INSC: variants seen among roughly 807,000 people sequenced by gnomAD.
The protein encoded by INSC is INSC spindle orientation adaptor protein, also known as protein inscuteable homolog.
Under a neutral mutation model 58.6 loss-of-function variants are expected in INSC, and 67 were observed. That is an observed-to-expected ratio of 1.14 (90% CI 0.94 to 1.40). The LOEUF (loss-of-function observed/expected upper bound fraction) is 1.40, where lower values mean the gene tolerates loss of function less well. INSC is among the 40% of genes most tolerant of loss of function. INSC has a pLI of 0.00. For synonymous variants in INSC, 262 were observed against 276.1 expected (o/e 0.95, Z 0.51); for missense variants, 714 against 692.0 (o/e 1.03, Z -0.36).
In INSC at chr11:15,188,167, G is replaced by T. The variant is rs1792576; in HGVS notation, c.580-2534G>T. 1,382 of 985,288 alleles carry T rather than the reference G, an allele frequency of 1.4e-3. 19 individuals carry two copies. The African/African-American group carries it at 0.021, about 15-fold the overall frequency. 61.0% of individuals were successfully genotyped at this position (985,288 alleles called of 1,614,324 possible). A position where few individuals can be genotyped will look rare whatever the true frequency, so the allele number is the denominator to read the frequency against. On this transcript the variant is annotated intron_variant, in intron 5 of 12. Coordinates refer to ENST00000379556, the MANE Select transcript of INSC (RefSeq NM_001042536.3). ...TTGGCAAGAATACAGGGCAGATCCA[G>T]AGGGGCATTTGCAAGGCCCCCACTC...
At chr11:15,233,655 G>A (rs939990730) in intron 9 of INSC, among the ~76,000 whole-genome samples, 9 of 152,126 alleles carry the variant, frequency 5.9e-5, no homozygotes, top group Admixed American at 1.3e-4. Context: ...TAATGAACCC[G>A]TTGCCGCAGA....
At chr11:15,189,092 G>T (rs1029879208) in intron 5 of INSC, among the ~76,000 whole-genome samples, 6 of 152,166 alleles carry the variant, frequency 3.9e-5, no homozygotes, top group African/African-American at 1.4e-4. Context: ...TTAGCATGTT[G>T]TGCGTGTGTG....
chr11:15,142,321 G>C (rs1590353425), intron 1 of INSC, among the ~76,000 whole-genome samples: 1 of 152,166 alleles, frequency 6.6e-6, no homozygotes, highest in Non-Finnish European at 1.5e-5. Flanking sequence ...CCACCACCAG[G>C]CCAGAGTGCT....
chr11:15,192,831 T>C (rs1850228414), intron 6 of INSC, among the ~76,000 whole-genome samples: 1 of 152,222 alleles, frequency 6.6e-6, no homozygotes, highest in African/African-American at 2.4e-5. Flanking sequence ...CTTTGAGACC[T>C]ACAAAGCTAG....
intron 9 of INSC, among the ~76,000 whole-genome samples, chr11:15,229,890 T>C (rs1851779538): frequency 7.3e-6 from 1 of 137,004 alleles, no homozygotes; most frequent in African/African-American, 2.8e-5. Context: ...AAATCCTATC[T>C]CTATAAAAAA....
rs59163709 is a variant in INSC at position 15,138,663 on chromosome 11, T to C, written c.-45-10467T>C. 4.5e-3 allele frequency among the ~76,000 whole-genome samples: 690 copies of C among 152,366 alleles called. 10 individuals are homozygous for C. Among genetic ancestry groups the C allele is most frequent in the African/African-American group, 0.016 (662 of 41,596 alleles). On this transcript the variant is annotated intron_variant, in intron 1 of 12. Transcript: ENST00000379556. ...AATGGATCCTTCATTGCCACAAAGA[T>C]GGATATCATAAAACTTCTTATGGAG...
Position 15,183,351 on chromosome 11 carries a change from CAAA to C in INSC, c.579+4921_579+4923del, listed in dbSNP as rs66894801. The stretch of plus-strand genomic sequence containing the variant: ...GGGCAACAAGAGCAAAACTCCATCT[CAAA>C]AAAAAAAAAAAAAAAACCAGAAAAA... On this transcript the variant is annotated intron_variant, in intron 5 of 12. Transcript: ENST00000379556. Among the ~76,000 whole-genome samples the C allele has an allele frequency of 5.5e-3, 444 of 80,748 alleles. 2 individuals carry two copies. Among genetic ancestry groups the C allele is most frequent in the African/African-American group, 0.019 (424 of 22,656 alleles). 53.0% of individuals were successfully genotyped at this position (80,748 alleles called of 152,430 possible).
intron 9 of INSC, among the ~76,000 whole-genome samples, chr11:15,230,173 G>C (rs887952186): frequency 7.5e-5 from 11 of 147,254 alleles, no homozygotes; most frequent in Non-Finnish European, 1.2e-4. Context: ...CTGGATGATA[G>C]AGCCAGACCT....
downstream of INSC, among the ~76,000 whole-genome samples, chr11:15,250,214 A>T (rs1389646875): frequency 1.3e-5 from 2 of 152,168 alleles, no homozygotes; most frequent in Non-Finnish European, 2.9e-5. Context: ...TTCCTCCATG[A>T]GTTAAAAATC....
chr11:15,151,609 ATCT>A (rs139228834), intron 2 of INSC, among the ~76,000 whole-genome samples: 7,536 of 82,726 alleles, frequency 0.091, 587 homozygotes, highest in African/African-American at 0.2. Flanking sequence ...TGGGATGCTG[ATCT>A]TCTTGTTGGT....
At chr11:15,114,265 G>A (rs1847639047), upstream of INSC, among the ~76,000 whole-genome samples, 1 of 113,864 alleles carries the variant, frequency 8.8e-6, no homozygotes, top group Non-Finnish European at 1.8e-5. Flanking sequence ...GGGGTGGGGG[G>A]TGGGGTCTGA....
chr11:15,172,786 G>A lies in INSC; in HGVS notation c.57-2955G>A, dbSNP rs540037699. Among the ~76,000 whole-genome samples the A allele has an allele frequency of 5.9e-5, 9 of 152,218 alleles. No homozygotes were observed. The East Asian group carries it at 1.5e-3, about 26-fold the overall frequency. On this transcript the variant is annotated intron_variant, in intron 2 of 12. Transcript: ENST00000379556. ...GAGGTGTAGAGTGTGTTTGTGGCAGGGGCGCTAGGAGTTGGGGAAGATGGA... is the reference window on the plus strand; with the variant it reads ...GAGGTGTAGAGTGTGTTTGTGGCAGAGGCGCTAGGAGTTGGGGAAGATGGA...
chr11:15,245,091 C>G (rs982353577), intron 12 of INSC, among the ~76,000 whole-genome samples: 1 of 152,168 alleles, frequency 6.6e-6, no homozygotes, highest in Non-Finnish European at 1.5e-5. Flanking sequence ...TCCTTACTCT[C>G]GAGGAGCTCA....
chr11:15,216,896 C>T (rs1336309575), intron 7 of INSC, among the ~76,000 whole-genome samples: 1 of 152,156 alleles, frequency 6.6e-6, no homozygotes, highest in African/African-American at 2.4e-5. Flanking sequence ...ATGATGGTGC[C>T]ACCATGTGGC....
At chr11:15,183,392 A>G (rs1447834954) in intron 5 of INSC, among the ~76,000 whole-genome samples, 1 of 149,434 alleles carries the variant, frequency 6.7e-6, no homozygotes, top group African/African-American at 2.5e-5. Context: ...TAAATTGTGT[A>G]TTTTTCCAAG....
intron 7 of INSC, 67 bp from the exon 8 acceptor site, chr11:15,221,410 T>C: frequency 6.6e-7 from 1 of 1,517,180 alleles, no homozygotes; most frequent in East Asian, 2.3e-5. Context: ...TGTATCTGTC[T>C]CATTAATGTC....
the INSC span, among the ~76,000 whole-genome samples, chr11:15,268,985 T>C: frequency 0.055 from 8,334 of 152,132 alleles, 349 homozygotes; most frequent in Middle Eastern, 0.15. Context: ...CTGTTATTGA[T>C]ACAGAGAAAT....
intron 9 of INSC, among the ~76,000 whole-genome samples, chr11:15,229,998 T>TA (rs1851841491): frequency 4.0e-5 from 1 of 25,190 alleles, no homozygotes; most frequent in Non-Finnish European, 6.6e-5. Context: ...TATATATATA[T>TA]ATATATATAT....
intron 2 of INSC, among the ~76,000 whole-genome samples, chr11:15,157,396 G>C (rs1429200228): frequency 6.6e-6 from 1 of 152,192 alleles, no homozygotes; most frequent in African/African-American, 2.4e-5. Flanking sequence ...CCCGTCCTCT[G>C]TGTGAGTAAT....
Sources: allele counts gnomAD v4.1 joint callset (sites outside exome capture counted in the v4.1 genomes callset), GRCh38; gene constraint gnomAD v4.1.1; transcripts MANE v1.5; gene names NCBI Gene and HGNC (gene_info 2026-07-23, HGNC 2026-07-21).